Variants in NTN1 observed in about 807,000 individuals in gnomAD.
NTN1 encodes netrin-1.
In NTN1, 11 loss-of-function variants were observed where a neutral mutation model predicts 54.2. The ratio of observed to expected loss-of-function variants is 0.20; its 90% confidence interval spans 0.13 to 0.34. The LOEUF is 0.34. NTN1 is among the 10% of genes least tolerant of loss of function. The pLI is 1.00. For synonymous variants in NTN1, 371 were observed against 382.0 expected (o/e 0.97, Z 0.33); for missense variants, 740 against 893.1 (o/e 0.83, Z 2.18).
At position 9,224,598 on chromosome 17, in the gene NTN1, G is replaced by A. The variant is rs370541481; in HGVS notation, c.1486+3356G>A. On this transcript the variant is annotated intron_variant, in intron 6 of 6. Transcript: ENST00000173229. ...CAGCCAGGGAGTGGCCCAGCCTCCC[G>A]CCCCTTCCACAGCAGCCTTCCTTGA... is the stretch of plus-strand genomic sequence containing the variant. Among the ~76,000 whole-genome samples the A allele has an allele frequency of 2.0e-4, 30 of 152,276 alleles. No homozygotes were observed. The South Asian group carries it at 5.6e-3, about 28-fold the overall frequency.
chr17:9,127,582 C>A (rs1318186635), intron 2 of NTN1, among the ~76,000 whole-genome samples: 1 of 151,928 alleles, frequency 6.6e-6, no homozygotes, highest in Non-Finnish European at 1.5e-5. Flanking sequence ...TGCTGAGGAC[C>A]CCTGGACACA....
chr17:9,193,631 A>C (rs949755012), intron 5 of NTN1, among the ~76,000 whole-genome samples: 1 of 152,196 alleles, frequency 6.6e-6, no homozygotes, highest in Non-Finnish European at 1.5e-5. Context: ...TAATTATTAA[A>C]ACATTATGCG....
rs919428698 is a variant in NTN1, at chr17:9,103,197, G to A, written c.1019-59616G>A. On this transcript the variant is annotated intron_variant, in intron 2 of 6. Coordinates refer to ENST00000173229, the MANE Select transcript of NTN1 (RefSeq NM_004822.3). ...CTCAGAAGAATTGAAAGCACGGACT[G>A]GAACAGATATTTGTACCACCCATGT... Among the ~76,000 whole-genome samples, 7 of 152,352 alleles carry A rather than the reference G, an allele frequency of 4.6e-5. No individual in the cohort carries two copies. In the South Asian group the frequency reaches 6.2e-4, roughly 14 times the overall value.
chr17:9,120,789 T>A lies in NTN1; in HGVS notation c.1019-42024T>A, dbSNP rs535481815. Reference sequence around the variant, plus strand: ...TGGTCTGGGGCTTACATTACCCCCATGTTGTTTTTGTACAGCAGGAAGCTG... The same window carrying A: ...TGGTCTGGGGCTTACATTACCCCCAAGTTGTTTTTGTACAGCAGGAAGCTG... On this transcript the variant is annotated intron_variant, in intron 2 of 6. Transcript: ENST00000173229. Among the ~76,000 whole-genome samples, 87 of 152,330 alleles carry A rather than the reference T, an allele frequency of 5.7e-4. No homozygotes were observed. In the South Asian group the frequency reaches 0.012, roughly 22 times the overall value.
intron 5 of NTN1, among the ~76,000 whole-genome samples, chr17:9,188,016 G>A (rs1456191489): frequency 6.6e-6 from 1 of 152,200 alleles, no homozygotes; most frequent in Non-Finnish European, 1.5e-5. Context: ...CCGGGCAGCG[G>A]CTGTTTAATA....
At chr17:9,052,275 A>G (rs557590153) in intron 2 of NTN1, among the ~76,000 whole-genome samples, 53 of 152,292 alleles carry the variant, frequency 3.5e-4, no homozygotes, top group African/African-American at 1.2e-3. Flanking sequence ...CCGGCCCCAA[A>G]GGCACATTTG....
chr17:9,098,078 CT>C (rs2092137823), intron 2 of NTN1, among the ~76,000 whole-genome samples: 1 of 152,256 alleles, frequency 6.6e-6, no homozygotes, highest in Admixed American at 6.5e-5. Flanking sequence ...TAGTCAAGGA[CT>C]TCCTACCGTT....
chr17:9,204,029 AG>A lies in NTN1; in HGVS notation c.1412-17137del, dbSNP rs200715269. Among the ~76,000 whole-genome samples, 754 of 152,206 alleles carry A rather than the reference AG, an allele frequency of 5.0e-3. 7 individuals carry two copies. The highest frequency in any genetic ancestry group is 0.017 in the African/African-American group (717 of 41,536). The stretch of plus-strand genomic sequence containing the variant: ...TGGGCTGTGCCAGAAAGTGGAGATA[AG>A]GCCATCTGTGGGGTGACAGAAGTCA... On this transcript the variant is annotated intron_variant, in intron 5 of 6. Transcript: ENST00000173229.
At chr17:9,122,445 G>A (rs1232299512) in intron 2 of NTN1, among the ~76,000 whole-genome samples, 2 of 152,168 alleles carry the variant, frequency 1.3e-5, no homozygotes, top group Non-Finnish European at 2.9e-5. Flanking sequence ...TGGGATTGGG[G>A]CAATGTCTTT....
intron 2 of NTN1, among the ~76,000 whole-genome samples, chr17:9,035,045 C>G (rs2091899215): frequency 6.6e-6 from 1 of 152,220 alleles, no homozygotes; most frequent in Non-Finnish European, 1.5e-5. Context: ...CTCCCAGGTT[C>G]ATGCCATTCT....
At chr17:9,076,198 G>A (rs2092049074) in intron 2 of NTN1, among the ~76,000 whole-genome samples, 1 of 152,136 alleles carries the variant, frequency 6.6e-6, no homozygotes, top group Admixed American at 6.5e-5. Context: ...CATGAGGGAG[G>A]CCCAATGTCC....
At chr17:9,080,463 C>T (rs2092067007) in intron 2 of NTN1, among the ~76,000 whole-genome samples, 1 of 152,204 alleles carries the variant, frequency 6.6e-6, no homozygotes, top group Non-Finnish European at 1.5e-5. Context: ...TTATCTCTAA[C>T]TTAGAACATT....
At chr17:9,003,782 C>A in the NTN1 span, among the ~76,000 whole-genome samples, 4 of 152,216 alleles carry the variant, frequency 2.6e-5, no homozygotes, top group Admixed American at 2.6e-4. The surrounding 1 kb of genome is among the most constrained non-coding windows in gnomAD (Gnocchi z 7.4). Context: ...GTGCATTCAT[C>A]CCCCGGGCTA....
intron 6 of NTN1, among the ~76,000 whole-genome samples, chr17:9,228,942 CTGTG>C (rs10551760): frequency 1.4e-5 from 2 of 145,558 alleles, no homozygotes; most frequent in South Asian, 4.3e-4. Flanking sequence ...GGGTGTGTGG[CTGTG>C]TGACTCTGCG....
intron 6 of NTN1, among the ~76,000 whole-genome samples, chr17:9,230,688 C>G (rs1023181526): frequency 6.6e-6 from 1 of 151,954 alleles, no homozygotes. Flanking sequence ...TGGGGGGATG[C>G]GGCCCTTCCC....
chr17:9,152,305 G>A (rs1332024909), intron 2 of NTN1, among the ~76,000 whole-genome samples: 4 of 152,080 alleles, frequency 2.6e-5, no homozygotes, highest in Admixed American at 6.5e-5. Context: ...CTGTGCCACC[G>A]CATGCCCAAA....
At chr17:9,227,709 C>T (rs1414675852) in intron 6 of NTN1, among the ~76,000 whole-genome samples, 2 of 149,600 alleles carry the variant, frequency 1.3e-5, no homozygotes, top group Non-Finnish European at 3.0e-5. Flanking sequence ...ACGTATCACA[C>T]GCACACACAC....
intron 2 of NTN1, among the ~76,000 whole-genome samples, chr17:9,072,495 C>A (rs945698650): frequency 6.6e-6 from 1 of 152,000 alleles, no homozygotes; most frequent in Non-Finnish European, 1.5e-5. Context: ...GAGAGGTGGG[C>A]GGGGATGTGG....
rs1490347384 is a variant in NTN1 at position 9,201,917 on chromosome 17, G to A, written c.1411+18948G>A. Among the ~76,000 whole-genome samples, 5 of 151,504 alleles carry A rather than the reference G, an allele frequency of 3.3e-5. No homozygotes were observed. The East Asian group carries it at 5.8e-4, about 18-fold the overall frequency. ...GAAATAAAAGACCGGGCCGGGCGTG[G>A]TGGCTCACGCTTGTAATCCTAGCAC... On this transcript the variant is annotated intron_variant, in intron 5 of 6. Transcript: ENST00000173229.
Sources: gnomAD v4.1 joint callset for allele counts (sites outside exome capture counted in the v4.1 genomes callset) on GRCh38, gnomAD v4.1.1 for gene constraint, Gnocchi (gnomAD v3.1) non-coding constraint, MANE v1.5 for transcripts, NCBI Gene and HGNC (gene_info 2026-07-23, HGNC 2026-07-21) for gene names.